The following FGF12 variants were observed in gnomAD, a reference collection of about 807,000 sequenced individuals.
The protein encoded by FGF12 is fibroblast growth factor 12, also known as fibroblast growth factor 12B.
FGF12 carries 14 observed loss-of-function variants against 23.6 expected under a neutral mutation model. That is an observed-to-expected ratio of 0.59 (90% CI 0.39 to 0.93). The LOEUF (loss-of-function observed/expected upper bound fraction) is 0.93. Among genes scored for constraint, FGF12 ranks in the 40% least tolerant of loss-of-function variants. The pLI is 0.00. For synonymous variants in FGF12, 62 were observed against 77.3 expected (o/e 0.80, Z 1.04); for missense variants, 175 against 217.8 (o/e 0.80, Z 1.24).
At chr3:192,242,844 G>C (rs1468880706) in intron 4 of FGF12, among the ~76,000 whole-genome samples, 2 of 151,914 alleles carry the variant, frequency 1.3e-5, no homozygotes, top group African/African-American at 4.8e-5. Flanking sequence ...TTGTTTACAG[G>C]TGCAATTTAA....
Position 192,360,495 on chromosome 3 carries a change from C to G in FGF12, c.57G>C (p.Gln19His). 1 of 1,613,962 alleles carries G rather than the reference C, an allele frequency of 6.2e-7. No individual in the cohort carries two copies. Among genetic ancestry groups the G allele is most frequent in the Non-Finnish European group, 8.5e-7 (1 of 1,179,896 alleles). Residue 19 changes from glutamine (Q) to histidine (H), a missense_variant, in exon 3 of 6, where the codon CAG becomes CAC. Gln to His is a conservative substitution (Grantham distance 24, BLOSUM62 0). Transcript: ENST00000445105. The surrounding 1 kb of genome is among the most constrained non-coding windows in gnomAD (Gnocchi z 4.3). ...CTGGGTGCATCTGCAGGAAGTATCC[C>G]TGCTGGCTGAATAACCTTGTCACAA... ...KGIVTRLFSQ[Q>H]GYFLQMHPDG...
rs900501877 is a variant in FGF12, at chr3:192,664,178, G to C, written c.13+63003C>G. Among the ~76,000 whole-genome samples, 7 of 152,282 alleles carry C rather than the reference G, an allele frequency of 4.6e-5. No homozygotes were observed. In the East Asian group the frequency reaches 9.7e-4, roughly 21 times the overall value. The stretch of plus-strand genomic sequence containing the variant: ...ATATTTCATTTTGTGTCAACCAAAT[G>C]AATCTATCATGAGATATAAAAAGAT... On this transcript the variant is annotated intron_variant, in intron 2 of 5. Transcript: ENST00000445105.
chr3:192,674,157 G>A (rs1717236751), intron 2 of FGF12, among the ~76,000 whole-genome samples: 1 of 139,288 alleles, frequency 7.2e-6, no homozygotes, highest in Non-Finnish European at 1.7e-5. Flanking sequence ...AACCCATGGG[G>A]TAGTTATTAA....
intron 2 of FGF12, among the ~76,000 whole-genome samples, chr3:192,577,215 T>C (rs761967714): frequency 6.6e-6 from 1 of 152,090 alleles, no homozygotes; most frequent in Non-Finnish European, 1.5e-5. Flanking sequence ...AAAAAATAAA[T>C]AAATAAATAA....
At chr3:192,430,653 C>A (rs1721835458) in intron 2 of FGF12, among the ~76,000 whole-genome samples, 1 of 152,120 alleles carries the variant, frequency 6.6e-6, no homozygotes, top group South Asian at 2.1e-4. Flanking sequence ...AAGTAATAAT[C>A]AAGTTGGCTA....
chr3:192,635,548 C>T (rs75771223), intron 2 of FGF12, among the ~76,000 whole-genome samples: 12,800 of 152,260 alleles, frequency 0.084, 1,699 homozygotes, highest in African/African-American at 0.28. Flanking sequence ...ACTATACCAG[C>T]ACCTAAAAGT....
At chr3:192,523,374 T>C (rs886676539) in intron 2 of FGF12, among the ~76,000 whole-genome samples, 1 of 152,240 alleles carries the variant, frequency 6.6e-6, no homozygotes, top group African/African-American at 2.4e-5. Context: ...GAGGTGCTAC[T>C]CTTATTTTAC....
chr3:192,229,215 A>G (rs374106758), intron 4 of FGF12, among the ~76,000 whole-genome samples: 3 of 152,144 alleles, frequency 2.0e-5, no homozygotes, highest in South Asian at 2.1e-4. Flanking sequence ...CAGAAGGAAT[A>G]GATGAAAGAA....
intron 2 of FGF12, among the ~76,000 whole-genome samples, chr3:192,463,146 C>T (rs6786668): frequency 0.048 from 7,298 of 152,156 alleles, 606 homozygotes; most frequent in African/African-American, 0.17. Context: ...TGGCAGGGTG[C>T]GGTGGCTCAT....
At chr3:192,269,541 A>G (rs1271036539) in intron 4 of FGF12, among the ~76,000 whole-genome samples, 1 of 152,194 alleles carries the variant, frequency 6.6e-6, no homozygotes, top group Admixed American at 6.5e-5. Context: ...ACTACCTAAT[A>G]ATATTACTGT....
intron 4 of FGF12, among the ~76,000 whole-genome samples, chr3:192,313,626 G>T (rs1319086326): frequency 6.6e-6 from 1 of 152,174 alleles, no homozygotes; most frequent in Non-Finnish European, 1.5e-5. Flanking sequence ...AAAATTAGAG[G>T]TAATCTCTCT....
intron 2 of FGF12, among the ~76,000 whole-genome samples, chr3:192,549,397 C>T (rs1725573602): frequency 6.6e-6 from 1 of 151,858 alleles, no homozygotes; most frequent in Non-Finnish European, 1.5e-5. Context: ...AGAAAAGGGG[C>T]TCAAAATGAA....
At chr3:192,449,614 C>A (rs1722462666) in intron 2 of FGF12, among the ~76,000 whole-genome samples, 1 of 152,188 alleles carries the variant, frequency 6.6e-6, no homozygotes, top group Admixed American at 6.5e-5. Flanking sequence ...TCCCTTGGTT[C>A]TTGTAGCATC....
chr3:192,389,082 G>A (rs558746297), intron 2 of FGF12, among the ~76,000 whole-genome samples: 7 of 152,130 alleles, frequency 4.6e-5, no homozygotes, highest in South Asian at 2.1e-4. Flanking sequence ...ATACATGGCC[G>A]GGCGCGGTGG....
At chr3:192,461,742 A>G (rs551757891) in intron 2 of FGF12, among the ~76,000 whole-genome samples, 2 of 152,248 alleles carry the variant, frequency 1.3e-5, no homozygotes, top group African/African-American at 4.8e-5. Context: ...TAATCCCAGC[A>G]CTTTGTGAGG....
intron 2 of FGF12, among the ~76,000 whole-genome samples, chr3:192,599,970 T>C (rs1056886078): frequency 3.9e-5 from 6 of 152,098 alleles, no homozygotes; most frequent in Non-Finnish European, 7.4e-5. Flanking sequence ...CCTGTGCCAG[T>C]GTCCTGAATT....
At chr3:192,566,721 CAT>C (rs1712310568) in intron 2 of FGF12, among the ~76,000 whole-genome samples, 1 of 152,114 alleles carries the variant, frequency 6.6e-6, no homozygotes, top group African/African-American at 2.4e-5. Context: ...CAAACAAGAA[CAT>C]AGACACTGAA....
At chr3:192,282,069 G>C (rs549473287) in intron 4 of FGF12, among the ~76,000 whole-genome samples, 2 of 152,102 alleles carry the variant, frequency 1.3e-5, no homozygotes, top group Non-Finnish European at 2.9e-5. Flanking sequence ...AAGAACATTC[G>C]TAAGTGATAG....
chr3:192,501,007 T>C lies in FGF12; in HGVS notation c.14-140469A>G, dbSNP rs531567261. 1.4e-4 allele frequency among the ~76,000 whole-genome samples: 21 copies of C among 152,328 alleles called. No homozygotes were observed. In the South Asian group the frequency reaches 3.7e-3, roughly 27 times the overall value. ...ACTATTTCACATCAGGCTACCTCTT[T>C]CTAAATTTGATAAATTTCTTTTAAC... On this transcript the variant is annotated intron_variant, in intron 2 of 5. Coordinates refer to ENST00000445105, the MANE Select transcript of FGF12 (RefSeq NM_004113.6).
Sources: gnomAD v4.1 joint callset for allele counts (sites outside exome capture counted in the v4.1 genomes callset) on GRCh38, gnomAD v4.1.1 for gene constraint, Gnocchi (gnomAD v3.1) non-coding constraint, MANE v1.5 for transcripts, NCBI Gene and HGNC (gene_info 2026-07-23, HGNC 2026-07-21) for gene names.